THSD7B: variants seen among roughly 807,000 people sequenced by gnomAD.
The protein encoded by THSD7B is thrombospondin type 1 domain containing 7B, also known as thrombospondin type-1 domain-containing protein 7B.
In THSD7B, 138 loss-of-function variants were observed where a neutral mutation model predicts 213.6. The ratio of observed to expected loss-of-function variants is 0.65; its 90% CI spans 0.56 to 0.74. The LOEUF (loss-of-function observed/expected upper bound fraction) is 0.74, where lower values mean the gene tolerates loss of function less well. THSD7B is among the 30% of genes least tolerant of loss of function. The probability of loss-of-function intolerance (pLI) is 0.00; values close to 1 mark genes in which losing one functional copy is unlikely to be tolerated. For synonymous variants in THSD7B, 742 were observed against 687.0 expected, an observed-to-expected ratio of 1.08 and a Z score of -1.25; for missense variants, 1,931 against 1,991.5, an observed-to-expected ratio of 0.97 and a Z score of 0.58.
chr2:137,511,357 C>G (rs982113971), intron 15 of THSD7B, among the ~76,000 whole-genome samples: 2 of 152,158 alleles, frequency 1.3e-5, no homozygotes. Context: ...TGTTTCTCTG[C>G]ATGACTAGTA....
chr2:137,221,384 G>T (rs1274715701), intron 7 of THSD7B, among the ~76,000 whole-genome samples: 3 of 151,956 alleles, frequency 2.0e-5, no homozygotes, highest in Admixed American at 2.0e-4. Flanking sequence ...AGTGGTGATA[G>T]AACTGTCCTG....
intron 1 of THSD7B, 36 bp from the exon 2 acceptor site, chr2:136,882,108 G>A (rs1381972102): frequency 2.9e-6 from 4 of 1,382,748 alleles, no homozygotes; most frequent in Non-Finnish European, 3.8e-6. Context: ...TTTCTTTACA[G>A]AAGAAACTTA....
chr2:137,378,346 T>C (rs1443396050), intron 12 of THSD7B, among the ~76,000 whole-genome samples: 12 of 152,206 alleles, frequency 7.9e-5, no homozygotes, highest in Admixed American at 7.9e-4. Context: ...AAGAACTTCT[T>C]TTGCAGCTGA....
At chr2:136,928,649 TTAAATACC>T (rs1247551292) in intron 2 of THSD7B, among the ~76,000 whole-genome samples, 1 of 152,206 alleles carries the variant, frequency 6.6e-6, no homozygotes, top group Non-Finnish European at 1.5e-5. Flanking sequence ...ACATATAAAT[TTAAATACC>T]CATAATTCAT....
At chr2:137,051,317 ATTG>A (rs1289574511) in intron 2 of THSD7B, among the ~76,000 whole-genome samples, 3 of 152,174 alleles carry the variant, frequency 2.0e-5, no homozygotes, top group Non-Finnish European at 4.4e-5. Context: ...AGAATGAATA[ATTG>A]TTGTTATAAT....
chr2:137,572,288 C>T lies in THSD7B; in HGVS notation c.3273-118C>T, dbSNP rs1359254385. ...AGGAAAGTTTTGTTCCCCTTGGTTT[C>T]TGTGCTGGTCTTATGTTATATTTAA... On this transcript the variant is annotated intron_variant, in intron 16 of 27. Coordinates refer to ENST00000409968, the MANE Select transcript of THSD7B (RefSeq NM_001316349.2). The T allele has an allele frequency of 9.6e-6, 12 of 1,252,830 alleles. No individual in the cohort carries two copies. The East Asian group carries it at 3.0e-4, about 32-fold the overall frequency. 77.6% of individuals were successfully genotyped at this position (1,252,830 alleles called of 1,614,324 possible).
At chr2:137,092,772 C>T (rs1687974389) in intron 3 of THSD7B, among the ~76,000 whole-genome samples, 1 of 152,160 alleles carries the variant, frequency 6.6e-6, no homozygotes, top group Non-Finnish European at 1.5e-5. Flanking sequence ...GTAGCTAGGA[C>T]TACAGGCACA....
intron 1 of THSD7B, among the ~76,000 whole-genome samples, chr2:136,863,610 C>A (rs966978651): frequency 5.3e-5 from 8 of 152,144 alleles, no homozygotes; most frequent in African/African-American, 1.9e-4. Flanking sequence ...GGCCTCATTT[C>A]TCTGAATAGA....
intron 2 of THSD7B, among the ~76,000 whole-genome samples, chr2:136,946,977 T>G (rs1573727080): frequency 6.6e-6 from 1 of 152,262 alleles, no homozygotes; most frequent in African/African-American, 2.4e-5. Flanking sequence ...CGGCTCACCC[T>G]CCATGGGCTG....
At chr2:137,253,506 T>C (rs1682234093) in intron 10 of THSD7B, among the ~76,000 whole-genome samples, 1 of 152,222 alleles carries the variant, frequency 6.6e-6, no homozygotes, top group Non-Finnish European at 1.5e-5. Context: ...AATCTGTGTT[T>C]CCTTCAATAT....
chr2:137,521,533 T>G (rs1479962545), intron 15 of THSD7B, among the ~76,000 whole-genome samples: 1 of 152,204 alleles, frequency 6.6e-6, no homozygotes, highest in African/African-American at 2.4e-5. Flanking sequence ...TCTCTTCTTG[T>G]TGGACTCTTT....
At chr2:137,015,172 G>A (rs997231983) in intron 2 of THSD7B, among the ~76,000 whole-genome samples, 14 of 152,112 alleles carry the variant, frequency 9.2e-5, no homozygotes, top group Non-Finnish European at 1.9e-4. Context: ...TGTGTATTCA[G>A]AGCCTAGCAC....
intron 1 of THSD7B, among the ~76,000 whole-genome samples, chr2:136,799,596 AG>A (rs1419758550): frequency 1.3e-5 from 2 of 152,034 alleles, no homozygotes; most frequent in Non-Finnish European, 2.9e-5. Flanking sequence ...ATAATTGCAA[AG>A]AATGTTTGAC....
intron 14 of THSD7B, among the ~76,000 whole-genome samples, chr2:137,417,225 T>C (rs1248051809): frequency 6.6e-6 from 1 of 152,216 alleles, no homozygotes; most frequent in Non-Finnish European, 1.5e-5. Flanking sequence ...GAATTTAATA[T>C]TAATGTATTT....
intron 2 of THSD7B, among the ~76,000 whole-genome samples, chr2:136,961,701 C>T (rs1357443701): frequency 6.6e-6 from 1 of 152,122 alleles, no homozygotes; most frequent in African/African-American, 2.4e-5. Flanking sequence ...GATAAACTAT[C>T]ATGGAAAAGG....
At chr2:137,075,929 C>G (rs972181846) in intron 3 of THSD7B, among the ~76,000 whole-genome samples, 4 of 152,138 alleles carry the variant, frequency 2.6e-5, no homozygotes, top group Non-Finnish European at 5.9e-5. Flanking sequence ...ATGCTGCTGC[C>G]TGATTGTTCC....
At chr2:137,211,730 T>C (rs2375452) in intron 7 of THSD7B, among the ~76,000 whole-genome samples, 90,706 of 147,134 alleles carry the variant, frequency 0.62, 27,502 homozygotes, top group South Asian at 0.73. Flanking sequence ...TGATAAACAG[T>C]TAAGTGTTCT....
intron 7 of THSD7B, among the ~76,000 whole-genome samples, chr2:137,174,853 C>T (rs1337182840): frequency 6.6e-6 from 1 of 152,140 alleles, no homozygotes; most frequent in Non-Finnish European, 1.5e-5. Flanking sequence ...GTCTCATTGA[C>T]AAGTATGTTT....
At chr2:137,302,518 C>T (rs1328995730) in intron 12 of THSD7B, among the ~76,000 whole-genome samples, 1 of 151,958 alleles carries the variant, frequency 6.6e-6, no homozygotes, top group Non-Finnish European at 1.5e-5. Flanking sequence ...CAAGAGCATG[C>T]CATCGTGAGT....
Sources: gnomAD v4.1 joint callset for allele counts (sites outside exome capture counted in the v4.1 genomes callset) on GRCh38, gnomAD v4.1.1 for gene constraint, MANE v1.5 for transcripts, NCBI Gene and HGNC (gene_info 2026-07-23, HGNC 2026-07-21) for gene names.